The following PTPRO variants were observed in gnomAD, a reference collection of about 807,000 sequenced individuals.
The protein encoded by PTPRO is receptor-type tyrosine-protein phosphatase O.
Under a neutral mutation model 145.2 loss-of-function variants are expected in PTPRO, and 62 were observed. The observed-to-expected ratio is 0.43, with a 90% CI of 0.35 to 0.53. PTPRO has a LOEUF of 0.53. Ranked by LOEUF, PTPRO falls within the 20% of genes least tolerant of loss-of-function variation. The probability of loss-of-function intolerance (pLI) is 0.01; values close to 1 mark genes in which losing one functional copy is unlikely to be tolerated. For missense variants in PTPRO, 1,345 were observed against 1,482.7 expected (o/e 0.91, Z 1.53); for synonymous variants, 565 against 514.7 (o/e 1.10, Z -1.32).
chr12:15,491,757 C>T (rs930572619), intron 2 of PTPRO, among the ~76,000 whole-genome samples: 1 of 152,102 alleles, frequency 6.6e-6, no homozygotes, highest in Admixed American at 6.5e-5. Context: ...TCTCTAAGAA[C>T]CAGAAACAAG....
intron 1 of PTPRO, chr12:15,440,204 G>A: frequency 1.5e-6 from 1 of 667,262 alleles, no homozygotes; most frequent in East Asian, 3.0e-5. Context: ...CTTAGCCAGG[G>A]GCTGCACTGC....
chr12:15,409,299 C>A (rs1939730106), intron 1 of PTPRO, among the ~76,000 whole-genome samples: 1 of 152,114 alleles, frequency 6.6e-6, no homozygotes, highest in Non-Finnish European at 1.5e-5. Flanking sequence ...TGCCAGTCTA[C>A]ATAGACCATC....
At chr12:15,526,570 A>G (rs1187375047) in intron 12 of PTPRO, among the ~76,000 whole-genome samples, 3 of 152,226 alleles carry the variant, frequency 2.0e-5, no homozygotes, top group Admixed American at 6.5e-5. Context: ...TCACAACCCT[A>G]TAAGACAACA....
chr12:15,374,121 C>G (rs7960416), intron 1 of PTPRO, among the ~76,000 whole-genome samples: 3 of 151,974 alleles, frequency 2.0e-5, no homozygotes, highest in Non-Finnish European at 4.4e-5. Flanking sequence ...TATTTATTAC[C>G]TAGTTTTAGA....
At chr12:15,574,724 C>T (rs1411435264) in intron 19 of PTPRO, among the ~76,000 whole-genome samples, 5 of 152,238 alleles carry the variant, frequency 3.3e-5, no homozygotes. Flanking sequence ...ATGTTTTTGT[C>T]ACTCACAACT....
intron 1 of PTPRO, among the ~76,000 whole-genome samples, chr12:15,327,129 G>A (rs1337179694): frequency 1.3e-5 from 2 of 152,088 alleles, no homozygotes. Context: ...CATTATGGGA[G>A]TTAAATAATC....
intron 12 of PTPRO, among the ~76,000 whole-genome samples, chr12:15,526,997 A>G (rs1245078127): frequency 6.6e-6 from 1 of 152,174 alleles, no homozygotes; most frequent in African/African-American, 2.4e-5. Context: ...GATGAGATAT[A>G]TTTTCATATA....
intron 1 of PTPRO, among the ~76,000 whole-genome samples, chr12:15,413,332 A>G (rs1344502053): frequency 6.6e-6 from 1 of 152,126 alleles, no homozygotes; most frequent in African/African-American, 2.4e-5. Flanking sequence ...CCTGGCCTCA[A>G]ATGAACCCAC....
intron 2 of PTPRO, among the ~76,000 whole-genome samples, chr12:15,493,952 TATC>T (rs1165165293): frequency 2.0e-5 from 3 of 152,208 alleles, no homozygotes; most frequent in South Asian, 4.1e-4. Flanking sequence ...GACGTTCTTG[TATC>T]AAGAGTGATA....
intron 1 of PTPRO, among the ~76,000 whole-genome samples, chr12:15,326,853 C>T (rs571305092): frequency 6.6e-6 from 1 of 152,274 alleles, no homozygotes; most frequent in South Asian, 2.1e-4. Flanking sequence ...AGAAACATAT[C>T]CCAGTGCAGT....
At chr12:15,464,595 G>T (rs1213269220) in intron 1 of PTPRO, among the ~76,000 whole-genome samples, 2 of 151,122 alleles carry the variant, frequency 1.3e-5, no homozygotes, top group Non-Finnish European at 2.9e-5. Flanking sequence ...CTGACCTCAA[G>T]TGATCTGCCC....
chr12:15,371,050 T>C (rs1187969146), intron 1 of PTPRO, among the ~76,000 whole-genome samples: 1 of 152,226 alleles, frequency 6.6e-6, no homozygotes, highest in African/African-American at 2.4e-5. Context: ...AGTTATAATC[T>C]GGATCTTCAG....
chr12:15,509,526 G>A (rs553159675), intron 7 of PTPRO, among the ~76,000 whole-genome samples: 54 of 151,508 alleles, frequency 3.6e-4, no homozygotes, highest in Non-Finnish European at 6.3e-4. Flanking sequence ...GTGAAAACTC[G>A]TCTCTACTAA....
At chr12:15,367,715 C>A (rs1218026573) in intron 1 of PTPRO, among the ~76,000 whole-genome samples, 1 of 152,180 alleles carries the variant, frequency 6.6e-6, no homozygotes, top group South Asian at 2.1e-4. Context: ...CAACTCCACC[C>A]TCCCAGTTGA....
At chr12:15,569,865 G>A (rs1943999952) in intron 19 of PTPRO, among the ~76,000 whole-genome samples, 1 of 152,210 alleles carries the variant, frequency 6.6e-6, no homozygotes, top group African/African-American at 2.4e-5. Context: ...TGTTTCTCAT[G>A]CTTCTTAGGC....
chr12:15,586,968 T>C lies in PTPRO; in HGVS notation c.3327T>C (p.Asn1109=). ...CTGATCATGGTGTGCCCACAGCAAA[T>C]GCTGCAGAAAGTATCCTGCAGTTTG... ...AWPDHGVPTA[N]AAESILQFVH... is the part of the protein sequence containing the mutation. Residue 1109 remains asparagine (N), a synonymous_variant, in exon 24 of 27, where the codon AAT becomes AAC. Coordinates refer to ENST00000281171, the MANE Select transcript of PTPRO (RefSeq NM_030667.3). 6.2e-7 allele frequency: 1 copy of C among 1,614,128 alleles called. No individual in the cohort carries two copies. Among genetic ancestry groups the C allele is most frequent in the Admixed American group, 1.7e-5 (1 of 60,022 alleles).
intron 1 of PTPRO, among the ~76,000 whole-genome samples, chr12:15,470,017 G>T (rs1016593733): frequency 1.3e-5 from 2 of 152,140 alleles, no homozygotes; most frequent in African/African-American, 4.8e-5. Flanking sequence ...GAATAAAAGT[G>T]AGAGACTGTC....
At chr12:15,470,313 C>G (rs1397261710) in intron 1 of PTPRO, among the ~76,000 whole-genome samples, 3 of 152,102 alleles carry the variant, frequency 2.0e-5, no homozygotes, top group African/African-American at 2.4e-5. Context: ...AATAGGGTAG[C>G]CTTGAGAAAT....
At chr12:15,467,362 C>T (rs1056775930) in intron 1 of PTPRO, among the ~76,000 whole-genome samples, 1 of 151,886 alleles carries the variant, frequency 6.6e-6, no homozygotes, top group Admixed American at 6.6e-5. Flanking sequence ...TCCTTCCTTC[C>T]CTGCTAGTAT....
Sources: gnomAD v4.1 joint callset for allele counts (sites outside exome capture counted in the v4.1 genomes callset) on GRCh38, gnomAD v4.1.1 for gene constraint, MANE v1.5 for transcripts, NCBI Gene and HGNC (gene_info 2026-07-23, HGNC 2026-07-21) for gene names.